TANC2: variants seen among roughly 807,000 people sequenced by gnomAD.
TANC2 encodes the protein protein TANC2.
A neutral mutation model predicts 210.5 loss-of-function variants in TANC2; 26 were observed. That is an observed-to-expected ratio of 0.12 (90% CI 0.09 to 0.17). The LOEUF (loss-of-function observed/expected upper bound fraction) is 0.17. Among genes scored for constraint, TANC2 ranks in the 10% least tolerant of loss-of-function variants. TANC2 has a pLI of 1.00. For synonymous variants in TANC2, 931 were observed against 967.1 expected (o/e 0.96, Z 0.69); for missense variants, 2,129 against 2,608.9 (o/e 0.82, Z 4.01).
chr17:63,377,812 G>T (rs1045862339), intron 14 of TANC2, among the ~76,000 whole-genome samples: 5 of 152,202 alleles, frequency 3.3e-5, no homozygotes, highest in Non-Finnish European at 1.5e-5. Flanking sequence ...ATAAAGAAAA[G>T]AGATTTCGTT....
At chr17:63,164,639 C>T (rs1185074286) in intron 5 of TANC2, among the ~76,000 whole-genome samples, 1 of 152,110 alleles carries the variant, frequency 6.6e-6, no homozygotes, top group African/African-American at 2.4e-5. Context: ...CCCAGGAAAG[C>T]TGGTGGTATA....
intron 7 of TANC2, among the ~76,000 whole-genome samples, chr17:63,227,738 G>C (rs568527809): frequency 1.3e-5 from 2 of 151,934 alleles, no homozygotes; most frequent in East Asian, 3.9e-4. Flanking sequence ...TTATTGTTTT[G>C]GGTTTTACAT....
chr17:63,425,541 G>A (rs556029369), exon 28 of TANC2: 1 of 152,338 alleles, frequency 6.6e-6, no homozygotes, highest in Admixed American at 6.5e-5. Context: ...GGGCTATGTG[G>A]ATGTCACTTG....
At chr17:63,114,440 T>C (rs1414703324) in intron 4 of TANC2, among the ~76,000 whole-genome samples, 2 of 152,210 alleles carry the variant, frequency 1.3e-5, no homozygotes, top group East Asian at 1.9e-4. Flanking sequence ...GGATCACATA[T>C]ATGATTTTTA....
At chr17:63,091,001 G>C (rs2037168117) in intron 3 of TANC2, among the ~76,000 whole-genome samples, 1 of 151,168 alleles carries the variant, frequency 6.6e-6, no homozygotes, top group South Asian at 2.1e-4. Flanking sequence ...CTGCATAAAT[G>C]TCTTCTTTTG....
In TANC2 at chr17:63,144,251, G is replaced by GT. The variant is rs1334780610; in HGVS notation, c.323-7013dup. Among the ~76,000 whole-genome samples, 4 of 152,124 alleles carry GT rather than the reference G, an allele frequency of 2.6e-5. No homozygotes were observed. The East Asian group carries it at 7.7e-4, about 29-fold the overall frequency. ...CCTTTTTGCTTAGATGAAATGAATC[G>GT]TTTTTTCATTTCTACAGTTGTTCAC... On this transcript the variant is annotated intron_variant, in intron 4 of 27. Transcript: ENST00000689528.
Position 63,309,156 on chromosome 17 carries a change from G to A in TANC2, c.1160-5232G>A, listed in dbSNP as rs571717093. 9.2e-5 allele frequency among the ~76,000 whole-genome samples: 14 copies of A among 152,088 alleles called. 1 individual carries two copies. In the South Asian group the frequency reaches 2.7e-3, roughly 29 times the overall value. On this transcript the variant is annotated intron_variant, in intron 9 of 27. Coordinates refer to ENST00000689528, the Ensembl canonical transcript of TANC2. ...CACCTTTACTAACACCATACATGCTGCAAAAAATGTGAGTGTGTGTATGTA... is the reference window on the plus strand; with the variant it reads ...CACCTTTACTAACACCATACATGCTACAAAAAATGTGAGTGTGTGTATGTA...
chr17:63,205,372 A>AAACC, intron 7 of TANC2, among the ~76,000 whole-genome samples: 1 of 131,810 alleles, frequency 7.6e-6, no homozygotes, highest in Non-Finnish European at 1.6e-5. Flanking sequence ...AAAAAAAAAA[A>AAACC]CCTCATACAC....
intron 4 of TANC2, among the ~76,000 whole-genome samples, chr17:63,114,664 C>T (rs2038184917): frequency 6.6e-6 from 1 of 152,056 alleles, no homozygotes; most frequent in Non-Finnish European, 1.5e-5. Flanking sequence ...ATTACCCTAC[C>T]TTTAAGCACA....
At chr17:63,406,122 G>A (rs755420835) in intron 20 of TANC2, 32 bp from the exon 21 acceptor site, 2 of 1,612,364 alleles carry the variant, frequency 1.2e-6, no homozygotes, top group South Asian at 2.2e-5. Flanking sequence ...TCTTCTTTGG[G>A]CTAATTGGTC....
At chr17:63,353,753 G>T (rs1454656188) in intron 13 of TANC2, among the ~76,000 whole-genome samples, 1 of 152,112 alleles carries the variant, frequency 6.6e-6, no homozygotes, top group African/African-American at 2.4e-5. Context: ...ACGTTCTCTG[G>T]GAGCAAGCTG....
chr17:63,001,754 G>A (rs561345839), intron 1 of TANC2, among the ~76,000 whole-genome samples: 2 of 151,940 alleles, frequency 1.3e-5, no homozygotes, highest in South Asian at 2.1e-4. Context: ...CACCACATTG[G>A]CCAGGCTGGT....
intron 2 of TANC2, among the ~76,000 whole-genome samples, chr17:63,055,536 T>C (rs1465763492): frequency 6.6e-6 from 1 of 152,136 alleles, no homozygotes; most frequent in Non-Finnish European, 1.5e-5. Context: ...ATGATATATT[T>C]GAAGTAAGTC....
chr17:63,198,840 T>A (rs966293597), intron 6 of TANC2, among the ~76,000 whole-genome samples: 1 of 152,138 alleles, frequency 6.6e-6, no homozygotes, highest in Admixed American at 6.5e-5. Context: ...AAATAGAGAT[T>A]TTAAAAAATT....
At chr17:63,177,874 A>T (rs2040643919) in intron 5 of TANC2, among the ~76,000 whole-genome samples, 1 of 152,246 alleles carries the variant, frequency 6.6e-6, no homozygotes. Flanking sequence ...AATCCAAAAA[A>T]GTTTTATTGT....
intron 12 of TANC2, 73 bp from the exon 13 acceptor site, chr17:63,351,177 G>A (rs529229966): frequency 9.9e-6 from 13 of 1,309,090 alleles, no homozygotes; most frequent in Non-Finnish European, 1.4e-5. Context: ...AAAGAAATAT[G>A]TGATCAAAGA....
Position 62,969,289 on chromosome 17 carries a change from A to T in TANC2, c.-24+2540A>T, listed in dbSNP as rs117941327. On this transcript the variant is annotated intron_variant, in intron 1 of 27. Coordinates refer to ENST00000689528, the Ensembl canonical transcript of TANC2. Reference sequence around the variant, plus strand: ...AGAATCTGAAACACAGAGAGGTTAAATAACTTGCCCAATACTATATAGCTG... The same window carrying T: ...AGAATCTGAAACACAGAGAGGTTAATTAACTTGCCCAATACTATATAGCTG... 5.8e-3 allele frequency among the ~76,000 whole-genome samples: 886 copies of T among 152,350 alleles called. 6 individuals are homozygous for T. Among genetic ancestry groups the T allele is most frequent in the Non-Finnish European group, 7.7e-3 (526 of 68,030 alleles).
intron 8 of TANC2, among the ~76,000 whole-genome samples, chr17:63,256,613 G>T (rs1010394098): frequency 8.5e-5 from 13 of 152,118 alleles, no homozygotes; most frequent in Non-Finnish European, 1.8e-4. Context: ...AGATCCATTT[G>T]GTCTATAATG....
intron 1 of TANC2, among the ~76,000 whole-genome samples, chr17:63,000,829 T>C (rs2033338928): frequency 6.6e-6 from 1 of 152,164 alleles, no homozygotes; most frequent in African/African-American, 2.4e-5. Context: ...AATTTCTATA[T>C]TAATATTTTA....
Sources: gnomAD v4.1 joint callset for allele counts (sites outside exome capture counted in the v4.1 genomes callset) on GRCh38, gnomAD v4.1.1 for gene constraint, MANE v1.5 for transcripts, NCBI Gene and HGNC (gene_info 2026-07-23, HGNC 2026-07-21) for gene names.